The following CHLSN variants were observed in gnomAD, a reference collection of about 807,000 sequenced individuals.
CHLSN encodes cholesin.
chr7:1,092,663 C>T, the CHLSN span: 1 of 1,613,224 alleles, frequency 6.2e-7, no homozygotes, highest in Non-Finnish European at 8.5e-7. Flanking sequence ...GTCAACCTCG[C>T]CGCCTTCTCC....
the CHLSN span, among the ~76,000 whole-genome samples, chr7:1,089,170 C>T: frequency 1.2e-4 from 19 of 152,240 alleles, no homozygotes; most frequent in Admixed American, 1.2e-3. Flanking sequence ...AGGCGAAATG[C>T]GGAGTCTTTC....
chr7:1,130,223 G>A, the CHLSN span, among the ~76,000 whole-genome samples: 15 of 152,248 alleles, frequency 9.9e-5, no homozygotes, highest in African/African-American at 3.6e-4. Flanking sequence ...GTCCAGGGAC[G>A]GCAGAACCCG....
chr7:1,091,755 C>T, the CHLSN span: 29 of 1,540,824 alleles, frequency 1.9e-5, no homozygotes, highest in East Asian at 6.1e-4. Flanking sequence ...AAGCCCGGGG[C>T]GTGGGCCTGG....
the CHLSN span, among the ~76,000 whole-genome samples, chr7:1,113,471 G>C: frequency 6.6e-6 from 1 of 152,116 alleles, no homozygotes; most frequent in African/African-American, 2.4e-5. Flanking sequence ...GCAGGGGCAC[G>C]GACTTGCTTC....
At chr7:997,387 C>T in the CHLSN span, 1 of 499,128 alleles carries the variant, frequency 2.0e-6, no homozygotes, top group Non-Finnish European at 3.5e-6. Flanking sequence ...GCGCTGAAGG[C>T]ACTGAACCTG....
the CHLSN span, chr7:1,093,197 C>T: frequency 3.8e-6 from 2 of 522,052 alleles, no homozygotes; most frequent in East Asian, 5.3e-5. Flanking sequence ...TTTCTGACAC[C>T]GTCGACCAGG....
the CHLSN span, chr7:1,093,011 C>A: frequency 2.7e-6 from 2 of 754,550 alleles, no homozygotes; most frequent in South Asian, 3.0e-5. Flanking sequence ...GCCTGGTCAC[C>A]CTGGGGCTGC....
the CHLSN span, among the ~76,000 whole-genome samples, chr7:1,002,965 GT>G: frequency 1.2e-4 from 12 of 96,250 alleles, no homozygotes; most frequent in African/African-American, 1.8e-4. Context: ...CTGTGGGTGA[GT>G]GGAGTCCTGT....
At chr7:1,007,297 CTGAG>C in the CHLSN span, among the ~76,000 whole-genome samples, 2 of 152,250 alleles carry the variant, frequency 1.3e-5, no homozygotes, top group African/African-American at 4.8e-5. Context: ...CATGTCCTTC[CTGAG>C]TCCCAGTCCA....
chr7:1,052,109 T>G, the CHLSN span, among the ~76,000 whole-genome samples: 1 of 152,234 alleles, frequency 6.6e-6, no homozygotes, highest in Non-Finnish European at 1.5e-5. The surrounding 1 kb of genome is among the most constrained non-coding windows in gnomAD (Gnocchi z 4.2). Flanking sequence ...CAGGGCCAGC[T>G]CCTTCCACCT....
At chr7:1,028,691 CCATCTGCCT>C in the CHLSN span, 1 of 717,866 alleles carries the variant, frequency 1.4e-6, no homozygotes, top group Non-Finnish European at 1.7e-6. Context: ...CTCATCTCCC[CCATCTGCCT>C]CCATTATCCT....
the CHLSN span, among the ~76,000 whole-genome samples, chr7:1,107,443 A>C: frequency 6.6e-6 from 1 of 152,200 alleles, no homozygotes; most frequent in Non-Finnish European, 1.5e-5. Context: ...TTCTTAACCC[A>C]GGGAAGCTGG....
At chr7:1,005,564 G>C in the CHLSN span, among the ~76,000 whole-genome samples, 2 of 152,264 alleles carry the variant, frequency 1.3e-5, no homozygotes, top group African/African-American at 4.8e-5. Context: ...CGGCAGCGGG[G>C]CAGTGGGCCT....
chr7:982,544 G>A, the CHLSN span, among the ~76,000 whole-genome samples: 8 of 152,274 alleles, frequency 5.3e-5, no homozygotes, highest in South Asian at 1.0e-3. Flanking sequence ...TCCTAGCTCA[G>A]AGGGTTGCAT....
the CHLSN span, chr7:1,009,975 C>T: frequency 2.1e-5 from 33 of 1,571,828 alleles, no homozygotes; most frequent in South Asian, 1.7e-4. Context: ...AGGGCCAGTT[C>T]GGCCCCCGAG....
At chr7:1,107,522 G>A in the CHLSN span, among the ~76,000 whole-genome samples, 1 of 152,154 alleles carries the variant, frequency 6.6e-6, no homozygotes, top group Non-Finnish European at 1.5e-5. Flanking sequence ...CACAGAATTC[G>A]CCGTGGCTTC....
the CHLSN span, among the ~76,000 whole-genome samples, chr7:1,083,714 T>C: frequency 6.6e-6 from 1 of 150,984 alleles, no homozygotes; most frequent in Non-Finnish European, 1.5e-5. Context: ...CTCAGCATGC[T>C]GTGGTCAACT....
the CHLSN span, among the ~76,000 whole-genome samples, chr7:1,103,836 C>T: frequency 1.3e-5 from 2 of 152,248 alleles, no homozygotes; most frequent in Non-Finnish European, 2.9e-5. Flanking sequence ...GTGCCCAACC[C>T]GGAACTAGCT....
the CHLSN span, among the ~76,000 whole-genome samples, chr7:1,111,837 C>T: frequency 6.6e-6 from 1 of 151,794 alleles, no homozygotes; most frequent in Non-Finnish European, 1.5e-5. Context: ...GGCCTCGGGG[C>T]GGGTGACACT....
Sources: allele counts gnomAD v4.1 joint callset (sites outside exome capture counted in the v4.1 genomes callset), GRCh38; gene constraint gnomAD v4.1.1; non-coding constraint Gnocchi (gnomAD v3.1); transcripts MANE v1.5; gene names NCBI Gene and HGNC (gene_info 2026-07-23, HGNC 2026-07-21).